TPRG1: variants seen among roughly 807,000 people sequenced by gnomAD.
The protein encoded by TPRG1 is tumor protein p63-regulated gene 1 protein.
TPRG1 carries 29 observed loss-of-function variants against 29.3 expected under a neutral mutation model. The ratio of observed to expected loss-of-function variants is 0.99; its 90% CI spans 0.74 to 1.35. TPRG1 has a LOEUF of 1.35. Ranked by LOEUF, TPRG1 falls within the 40% of genes most tolerant of loss-of-function variation. The probability of loss-of-function intolerance (pLI) is 0.00; values close to 1 mark genes in which losing one functional copy is unlikely to be tolerated. For missense variants in TPRG1, 327 were observed against 335.0 expected (o/e 0.98, Z 0.19); for synonymous variants, 130 against 116.8 (o/e 1.11, Z -0.73).
At chr3:189,101,734 A>C (rs903435657) in intron 1 of TPRG1, among the ~76,000 whole-genome samples, 1 of 151,880 alleles carries the variant, frequency 6.6e-6, no homozygotes, top group Non-Finnish European at 1.5e-5. Context: ...TCTGCACCAA[A>C]CTTCTCCAAC....
At chr3:189,157,933 A>G (rs1229356632) in intron 5 of TPRG1, among the ~76,000 whole-genome samples, 1 of 152,228 alleles carries the variant, frequency 6.6e-6, no homozygotes, top group Non-Finnish European at 1.5e-5. Context: ...TATGTTGTAG[A>G]GACTAACGAA....
intron 4 of TPRG1, among the ~76,000 whole-genome samples, chr3:189,055,463 A>G (rs1381566686): frequency 6.6e-6 from 1 of 152,212 alleles, no homozygotes; most frequent in Non-Finnish European, 1.5e-5. Flanking sequence ...TTCACAGGGA[A>G]GTTTTGGGAA....
At chr3:189,143,810 G>A (rs149639254) in intron 3 of TPRG1, among the ~76,000 whole-genome samples, 5 of 152,136 alleles carry the variant, frequency 3.3e-5, no homozygotes, top group Non-Finnish European at 5.9e-5. Context: ...CAAATCTACT[G>A]GAAAATGGGA....
intron 3 of TPRG1, among the ~76,000 whole-genome samples, chr3:189,015,989 G>A (rs1712911774): frequency 6.6e-6 from 1 of 152,124 alleles, no homozygotes; most frequent in Admixed American, 6.5e-5. Context: ...GGAGCTGTGA[G>A]AAGAAGGCTA....
At chr3:189,207,280 G>A in intron 1 of TPRG1, 96 bp from the exon 2 acceptor site, 1 of 1,483,076 alleles carries the variant, frequency 6.7e-7, no homozygotes, top group South Asian at 1.3e-5. Flanking sequence ...TAAGTTTCAG[G>A]AATTCCGTTT....
At position 189,131,761 on chromosome 3, in the gene TPRG1, G is replaced by A. The variant is rs181062562; in HGVS notation, c.-589-638G>A. Among the ~76,000 whole-genome samples, 6 of 152,260 alleles carry A rather than the reference G, an allele frequency of 3.9e-5. No homozygotes were observed. The East Asian group carries it at 1.2e-3, about 29-fold the overall frequency. On this transcript the variant is annotated intron_variant, in intron 2 of 6. Coordinates refer to the TPRG1 transcript ENST00000412373. ...CTAAGAGTGAGACATTGAACTTATA[G>A]CCAGAGGCATATTATTATGCTTGTG...
At chr3:189,057,876 A>ATATATATACACACATACGTATGTGTG (rs1715837059) in intron 4 of TPRG1, among the ~76,000 whole-genome samples, 1 of 143,402 alleles carries the variant, frequency 7.0e-6, no homozygotes, top group African/African-American at 2.5e-5. Context: ...GTATGTGTGT[A>ATATATATACACACATACGTATGTGTG]TATATATATA....
At chr3:189,025,900 A>G (rs1713635011) in intron 4 of TPRG1, among the ~76,000 whole-genome samples, 1 of 152,260 alleles carries the variant, frequency 6.6e-6, no homozygotes, top group Non-Finnish European at 1.5e-5. Context: ...TTAAACATTC[A>G]GAGATACAGT....
chr3:189,177,231 T>C (rs1260562144), intron 1 of TPRG1, among the ~76,000 whole-genome samples: 1 of 151,990 alleles, frequency 6.6e-6, no homozygotes, highest in Non-Finnish European at 1.5e-5. Flanking sequence ...AGAGTGGCCT[T>C]TATTTGAGAT....
At chr3:189,235,212 G>A (rs1224035324) in intron 3 of TPRG1, among the ~76,000 whole-genome samples, 2 of 114,660 alleles carry the variant, frequency 1.7e-5, no homozygotes, top group Non-Finnish European at 3.4e-5. Flanking sequence ...TAAAGATGAG[G>A]TTTGCTTTTT....
intron 3 of TPRG1, among the ~76,000 whole-genome samples, chr3:189,135,360 C>T (rs1472178413): frequency 6.6e-6 from 1 of 152,218 alleles, no homozygotes; most frequent in Non-Finnish European, 1.5e-5. Context: ...TCACATGCTT[C>T]CCTCACTGTC....
intron 2 of TPRG1, 110 bp from the exon 3 acceptor site, chr3:189,215,182 T>C (rs1474833500): frequency 3.6e-6 from 3 of 825,402 alleles, no homozygotes; most frequent in African/African-American, 1.8e-5. Flanking sequence ...GCATAAACTA[T>C]ATCCTTTGTG....
At chr3:189,025,705 G>A (rs1478464915) in intron 4 of TPRG1, among the ~76,000 whole-genome samples, 2 of 152,162 alleles carry the variant, frequency 1.3e-5, no homozygotes, top group Non-Finnish European at 2.9e-5. Context: ...GACACTGAGA[G>A]GAAAGAGACA....
At chr3:189,115,589 T>C (rs959055935) in intron 1 of TPRG1, among the ~76,000 whole-genome samples, 1 of 152,212 alleles carries the variant, frequency 6.6e-6, no homozygotes, top group Non-Finnish European at 1.5e-5. Context: ...AATGGCTCTC[T>C]TACACAATAT....
chr3:189,034,032 A>G (rs191952404), intron 4 of TPRG1, among the ~76,000 whole-genome samples: 3 of 152,326 alleles, frequency 2.0e-5, no homozygotes, highest in African/African-American at 7.2e-5. Flanking sequence ...TAAAATATTG[A>G]TGGTTTACGT....
At chr3:189,231,596 T>G (rs949890280) in intron 3 of TPRG1, among the ~76,000 whole-genome samples, 1 of 152,164 alleles carries the variant, frequency 6.6e-6, no homozygotes, top group African/African-American at 2.4e-5. Context: ...AACAGTCCTA[T>G]GAGGAATACA....
intron 3 of TPRG1, among the ~76,000 whole-genome samples, chr3:189,134,615 CA>C (rs143577869): frequency 0.042 from 6,362 of 151,936 alleles, 320 homozygotes; most frequent in African/African-American, 0.12. Context: ...TGGGGTCTCA[CA>C]ATGTGGTACA....
chr3:189,229,508 T>G (rs1738305587), intron 3 of TPRG1, among the ~76,000 whole-genome samples: 1 of 152,206 alleles, frequency 6.6e-6, no homozygotes, highest in Non-Finnish European at 1.5e-5. Context: ...AACTGAGAGA[T>G]ACAGAGATAC....
intron 3 of TPRG1, among the ~76,000 whole-genome samples, chr3:189,224,279 G>A (rs1737362501): frequency 1.3e-5 from 2 of 152,162 alleles, no homozygotes; most frequent in Admixed American, 6.5e-5. Flanking sequence ...TCAAGAGATC[G>A]AGACCATCCT....
Sources: allele counts gnomAD v4.1 joint callset (sites outside exome capture counted in the v4.1 genomes callset), GRCh38; gene constraint gnomAD v4.1.1; transcripts MANE v1.5; gene names NCBI Gene and HGNC (gene_info 2026-07-23, HGNC 2026-07-21).